Variants in THRB observed in about 807,000 individuals in gnomAD.
THRB encodes thyroid hormone receptor beta.
THRB carries 12 observed loss-of-function variants against 47.8 expected under a neutral mutation model. The observed-to-expected ratio is 0.25, with a 90% CI of 0.16 to 0.41. THRB has a LOEUF of 0.41. THRB is among the 10% of genes least tolerant of loss of function. THRB has a pLI of 1.00. For synonymous variants in THRB, 218 were observed against 212.2 expected, an observed-to-expected ratio of 1.03 and a Z score of -0.24; for missense variants, 348 against 589.2, an observed-to-expected ratio of 0.59 and a Z score of 4.24.
upstream of THRB, chr3:24,495,622 TGGAGAA>T (rs1698901630): frequency 6.6e-6 from 1 of 152,126 alleles, no homozygotes; most frequent in Non-Finnish European, 1.5e-5. Flanking sequence ...TTACTCTAGT[TGGAGAA>T]GAGGAAAGAA....
chr3:24,170,071 T>C (rs1258257784), intron 5 of THRB, among the ~76,000 whole-genome samples: 1 of 152,162 alleles, frequency 6.6e-6, no homozygotes, highest in Non-Finnish European at 1.5e-5. Flanking sequence ...ACCAGGATCC[T>C]ATATCCAACC....
intron 8 of THRB, among the ~76,000 whole-genome samples, chr3:24,139,929 A>T (rs1450650495): frequency 1.3e-5 from 2 of 152,226 alleles, no homozygotes; most frequent in Admixed American, 6.5e-5. Context: ...ATAAAAAATA[A>T]ATAACACGTG....
At chr3:24,440,333 A>G (rs2071407175) in intron 1 of THRB, among the ~76,000 whole-genome samples, 1 of 152,158 alleles carries the variant, frequency 6.6e-6, no homozygotes, top group Non-Finnish European at 1.5e-5. Context: ...AAAATCATTG[A>G]TAGAAAACAG....
At chr3:24,405,719 C>T (rs2067773095) in intron 1 of THRB, among the ~76,000 whole-genome samples, 1 of 151,080 alleles carries the variant, frequency 6.6e-6, no homozygotes, top group Non-Finnish European at 1.5e-5. Context: ...GACTATTTTG[C>T]TTTTTTTTCT....
At chr3:24,466,400 G>A (rs2125708734) in intron 1 of THRB, among the ~76,000 whole-genome samples, 1 of 152,112 alleles carries the variant, frequency 6.6e-6, no homozygotes, top group East Asian at 1.9e-4. Context: ...TATCACTTGG[G>A]CTACTCAAAT....
chr3:24,241,763 G>A (rs763489060), intron 3 of THRB, among the ~76,000 whole-genome samples: 5 of 152,118 alleles, frequency 3.3e-5, no homozygotes, highest in Non-Finnish European at 7.4e-5. Context: ...AGCAGAATCA[G>A]ATCACTTGGG....
chr3:24,302,901 T>C (rs1021820955), intron 2 of THRB, among the ~76,000 whole-genome samples: 1 of 152,244 alleles, frequency 6.6e-6, no homozygotes. Context: ...GTTGAACGAA[T>C]GGCTATAAAG....
chr3:24,164,687 T>A (rs2039390818), intron 5 of THRB, among the ~76,000 whole-genome samples: 1 of 152,152 alleles, frequency 6.6e-6, no homozygotes, highest in Admixed American at 6.6e-5. Context: ...TTATCTCACT[T>A]CAAACACCAC....
intron 2 of THRB, among the ~76,000 whole-genome samples, chr3:24,334,537 C>T (rs376700560): frequency 1.3e-5 from 2 of 152,268 alleles, no homozygotes; most frequent in South Asian, 2.1e-4. Flanking sequence ...TTGGGATCCC[C>T]GCAGGATGGG....
intron 8 of THRB, among the ~76,000 whole-genome samples, chr3:24,138,162 T>C (rs534198752): frequency 9.2e-5 from 14 of 152,240 alleles, no homozygotes; most frequent in Middle Eastern, 3.4e-3. Context: ...TGCTGAGTCC[T>C]TGGCTCAGAG....
intron 1 of THRB, among the ~76,000 whole-genome samples, chr3:24,382,194 C>T (rs1236079572): frequency 6.6e-6 from 1 of 151,754 alleles, no homozygotes; most frequent in Non-Finnish European, 1.5e-5. Flanking sequence ...CCTTCAGATA[C>T]AAAATTAAGA....
chr3:24,252,713 T>G (rs1234463594), intron 3 of THRB, among the ~76,000 whole-genome samples: 1 of 151,820 alleles, frequency 6.6e-6, no homozygotes, highest in Non-Finnish European at 1.5e-5. Context: ...CCAACTGGAA[T>G]GCTGTATAAA....
chr3:24,369,051 G>T (rs986151502), intron 1 of THRB, among the ~76,000 whole-genome samples: 1 of 151,828 alleles, frequency 6.6e-6, no homozygotes, highest in Non-Finnish European at 1.5e-5. Flanking sequence ...TAATTTTTTT[G>T]AGATGAGGTC....
chr3:24,223,709 G>A (rs1485372732), intron 4 of THRB, among the ~76,000 whole-genome samples: 1 of 151,860 alleles, frequency 6.6e-6, no homozygotes, highest in East Asian at 1.9e-4. Context: ...GTTAAATATT[G>A]CCATAAACAA....
chr3:24,209,804 C>T (rs1027645012), intron 4 of THRB, among the ~76,000 whole-genome samples: 13 of 151,798 alleles, frequency 8.6e-5, no homozygotes, highest in East Asian at 3.9e-4. Flanking sequence ...GCACATGTAC[C>T]CTAGAACTTA....
intron 1 of THRB, among the ~76,000 whole-genome samples, chr3:24,447,508 TA>T (rs2072215599): frequency 1.3e-5 from 2 of 152,144 alleles, no homozygotes; most frequent in Admixed American, 1.3e-4. Context: ...GTTAATATAT[TA>T]ATAAGTTCAA....
At chr3:24,418,529 T>C (rs2068954225) in intron 1 of THRB, among the ~76,000 whole-genome samples, 1 of 151,892 alleles carries the variant, frequency 6.6e-6, no homozygotes, top group African/African-American at 2.4e-5. Context: ...ATATTGCCGA[T>C]TTAAAAAATA....
chr3:24,306,583 G>T (rs2149150004), intron 2 of THRB, among the ~76,000 whole-genome samples: 1 of 152,090 alleles, frequency 6.6e-6, no homozygotes, highest in East Asian at 1.9e-4. Flanking sequence ...AATGGTGGTG[G>T]CTGCATCACA....
intron 2 of THRB, among the ~76,000 whole-genome samples, chr3:24,317,902 C>G (rs1371941367): frequency 6.6e-6 from 1 of 151,918 alleles, no homozygotes; most frequent in African/African-American, 2.4e-5. Flanking sequence ...ACTAAAAATG[C>G]AAAAAATTAG....
Sources: gnomAD v4.1 joint callset for allele counts (sites outside exome capture counted in the v4.1 genomes callset) on GRCh38, gnomAD v4.1.1 for gene constraint, MANE v1.5 for transcripts, NCBI Gene and HGNC (gene_info 2026-07-23, HGNC 2026-07-21) for gene names.